DYSF: variants seen among roughly 807,000 people sequenced by gnomAD.
DYSF encodes dysferlin.
A neutral mutation model predicts 274.9 loss-of-function variants in DYSF; 212 were observed. The observed-to-expected ratio is 0.77, with a 90% CI of 0.69 to 0.86. The LOEUF (loss-of-function observed/expected upper bound fraction) is 0.86. Among genes scored for constraint, DYSF ranks in the 40% least tolerant of loss-of-function variants. DYSF has a pLI of 0.00. For missense variants in DYSF, 2,666 were observed against 2,783.2 expected (o/e 0.96, Z 0.95); for synonymous variants, 1,091 against 1,078.7 (o/e 1.01, Z -0.22).
chr2:71,544,498 C>T (rs1281117134), intron 17 of DYSF, among the ~76,000 whole-genome samples: 6 of 112,886 alleles, frequency 5.3e-5, no homozygotes, highest in Admixed American at 3.3e-4. Context: ...TTGCTCTTTT[C>T]GCCCAGCCTG....
chr2:71,627,963 T>G (rs1189799470), intron 41 of DYSF, among the ~76,000 whole-genome samples: 1 of 152,158 alleles, frequency 6.6e-6, no homozygotes, highest in Non-Finnish European at 1.5e-5. Flanking sequence ...TTTCAACTTT[T>G]CTGTCTTTAA....
At chr2:71,602,560 C>T in intron 35 of DYSF, 1 of 536,256 alleles carries the variant, frequency 1.9e-6, no homozygotes. Flanking sequence ...TCCATCACAC[C>T]TTCTTTCCCA....
Position 71,618,252 on chromosome 2 carries a change from G to A in DYSF, c.4465-2295G>A, listed in dbSNP as rs531859784. On this transcript the variant is annotated intron_variant, in intron 40 of 55. Transcript: ENST00000410020. Reference sequence around the variant, plus strand: ...GTGGGGTGTGTGTGTGGTAGAGGTGGCGTGTGTGGTAGAGGTGTGTGTGTG... The same window carrying A: ...GTGGGGTGTGTGTGTGGTAGAGGTGACGTGTGTGGTAGAGGTGTGTGTGTG... 2.5e-4 allele frequency among the ~76,000 whole-genome samples: 11 copies of A among 44,272 alleles called. No homozygotes were observed. In the South Asian group the frequency reaches 9.1e-3, roughly 37 times the overall value. 29.0% of individuals were successfully genotyped at this position (44,272 alleles called of 152,430 possible).
intron 41 of DYSF, among the ~76,000 whole-genome samples, chr2:71,641,022 T>C (rs1197828188): frequency 6.6e-6 from 1 of 152,162 alleles, no homozygotes; most frequent in Non-Finnish European, 1.5e-5. Context: ...TAGAAAATCA[T>C]TCACTTCATC....
Position 71,658,962 on chromosome 2 carries a change from C to T in DYSF, c.4840C>T (p.Pro1614Ser). Reference sequence around the variant, plus strand: ...GTTCCACCAGCTGGCCGCCCAGGGACCCCAGGAGTGCTTGGTCCGTATCTA... The same window carrying T: ...GTTCCACCAGCTGGCCGCCCAGGGATCCCAGGAGTGCTTGGTCCGTATCTA... ...RQFHQLAAQG[P>S]QECLVRIYIV... The change falls in exon 44 of 56, where the codon CCC (proline) becomes TCC (serine). Residue 1614 changes from proline (P) to serine (S), a missense_variant. Physicochemically the swap from Pro to Ser is moderately conservative, Grantham distance 74. Around this residue, in one of 3 missense-constraint regions of DYSF, gnomAD observed 1,460 missense variants for 1,502.1 expected, o/e 0.97. Coordinates refer to ENST00000410020, the MANE Select transcript of DYSF (RefSeq NM_001130987.2). The T allele has an allele frequency of 6.2e-7, 1 of 1,614,166 alleles. No individual in the cohort carries two copies.
At position 71,520,882 on chromosome 2, in the gene DYSF, T is replaced by C. The variant is rs2152742282; in HGVS notation, c.1127T>C (p.Leu376Pro). The part of the protein sequence containing the change: ...RGYLKTSLCV[L>P]GPGDEAPLER... Reference sequence around the variant, plus strand: ...TACCTGAAAACAAGCCTTTGTGTGCTGGGGCCTGGGGACGAAGCGCCTGTG... The same window carrying C: ...TACCTGAAAACAAGCCTTTGTGTGCCGGGGCCTGGGGACGAAGCGCCTGTG... Residue 376 changes from leucine to proline, a missense_variant, in exon 12 of 56, where the codon CTG (leucine) becomes CCG (proline). Around this residue, in one of 3 missense-constraint regions of DYSF, gnomAD observed 794 missense variants for 777.1 expected, o/e 1.02. Transcript: ENST00000410020. 3 of 1,614,152 alleles carry C rather than the reference T, an allele frequency of 1.9e-6. No homozygotes were observed. Among genetic ancestry groups the C allele is most frequent in the Non-Finnish European group, 2.5e-6 (3 of 1,180,014 alleles).
chr2:71,679,035 A>T, intron 52 of DYSF, 22 bp from the exon 53 acceptor site: 3 of 1,612,588 alleles, frequency 1.9e-6, no homozygotes, highest in Non-Finnish European at 2.5e-6. Flanking sequence ...ACCCTTGGCC[A>T]AAAACTACCT....
chr2:71,619,009 C>T (rs999314982), intron 40 of DYSF, among the ~76,000 whole-genome samples: 1 of 151,946 alleles, frequency 6.6e-6, no homozygotes, highest in African/African-American at 2.4e-5. Context: ...GCTCCCAGAA[C>T]CGGAGTGGCA....
At chr2:71,562,224 CAG>C (rs1313310236) in intron 23 of DYSF, among the ~76,000 whole-genome samples, 20 of 152,170 alleles carry the variant, frequency 1.3e-4, no homozygotes. Context: ...ATGTCAGAGA[CAG>C]AGCTGGGACC....
chr2:71,496,851 T>C (rs564560784), intron 3 of DYSF, among the ~76,000 whole-genome samples: 1 of 152,214 alleles, frequency 6.6e-6, no homozygotes, highest in Admixed American at 6.5e-5. Flanking sequence ...ATGTATAGAC[T>C]GGGCTCCCCT....
chr2:71,684,610 A>G (rs1281026288), intron 55 of DYSF, among the ~76,000 whole-genome samples: 1 of 152,122 alleles, frequency 6.6e-6, no homozygotes, highest in East Asian at 1.9e-4. Context: ...AGGCCGTGGG[A>G]GTTTAGGAAG....
At chr2:71,539,533 C>A (rs913270573) in intron 17 of DYSF, among the ~76,000 whole-genome samples, 2 of 152,196 alleles carry the variant, frequency 1.3e-5, no homozygotes, top group African/African-American at 4.8e-5. Flanking sequence ...CCTGCCTTGG[C>A]CGACTGTGCT....
At chr2:71,554,915 T>C (rs1392084884) in intron 21 of DYSF, among the ~76,000 whole-genome samples, 1 of 152,094 alleles carries the variant, frequency 6.6e-6, no homozygotes, top group East Asian at 1.9e-4. Context: ...TGGCAGTGGC[T>C]GTAGGGGTTT....
intron 12 of DYSF, among the ~76,000 whole-genome samples, chr2:71,521,144 A>C (rs747497666): frequency 6.6e-6 from 1 of 152,228 alleles, no homozygotes; most frequent in Non-Finnish European, 1.5e-5. Context: ...TTATTGTCTC[A>C]TTGCACATCC....
At chr2:71,479,550 C>G (rs1025288465) in intron 1 of DYSF, among the ~76,000 whole-genome samples, 2 of 152,226 alleles carry the variant, frequency 1.3e-5, no homozygotes, top group Non-Finnish European at 2.9e-5. Flanking sequence ...CAGCCTACGG[C>G]TCTTCCATGG....
intron 36 of DYSF, among the ~76,000 whole-genome samples, chr2:71,606,587 C>T (rs2093652269): frequency 6.6e-6 from 1 of 152,062 alleles, no homozygotes; most frequent in Non-Finnish European, 1.5e-5. Context: ...AGTTGAAAAC[C>T]AGGCTCAAGA....
intron 42 of DYSF, among the ~76,000 whole-genome samples, chr2:71,655,627 A>C (rs1242675015): frequency 6.6e-6 from 1 of 152,240 alleles, no homozygotes; most frequent in South Asian, 2.1e-4. Context: ...CCAAAGATAC[A>C]CTTGGATTGA....
intron 22 of DYSF, among the ~76,000 whole-genome samples, chr2:71,560,145 C>T (rs889737676): frequency 6.6e-6 from 1 of 152,226 alleles, no homozygotes; most frequent in Non-Finnish European, 1.5e-5. Context: ...TTCCGTACCC[C>T]CTGCCTTGGG....
At chr2:71,481,858 C>A in intron 2 of DYSF, 21 bp from the exon 3 acceptor site, 1 of 1,605,910 alleles carries the variant, frequency 6.2e-7, no homozygotes. Flanking sequence ...GGTTAAGATG[C>A]CTTTTCTCTT....
Sources: allele counts gnomAD v4.1 joint callset (sites outside exome capture counted in the v4.1 genomes callset), GRCh38; gene constraint gnomAD v4.1.1; regional missense constraint gnomAD v4.1.1; transcripts MANE v1.5; gene names NCBI Gene and HGNC (gene_info 2026-07-23, HGNC 2026-07-21).